Variants in WWC2 observed in about 807,000 individuals in gnomAD.
The protein encoded by WWC2 is protein WWC2.
A neutral mutation model predicts 138.5 loss-of-function variants in WWC2; 101 were observed. The ratio of observed to expected loss-of-function variants is 0.73; its 90% CI spans 0.62 to 0.86. The LOEUF (loss-of-function observed/expected upper bound fraction) is 0.86. Ranked by LOEUF, WWC2 falls within the 40% of genes least tolerant of loss-of-function variation. The pLI is 0.00. For missense variants in WWC2, 1,420 were observed against 1,419.4 expected (o/e 1.00, Z -0.01); for synonymous variants, 558 against 538.4 (o/e 1.04, Z -0.50).
chr4:183,167,136 C>T (rs1409580173), intron 1 of WWC2, among the ~76,000 whole-genome samples: 6 of 152,162 alleles, frequency 3.9e-5, no homozygotes, highest in South Asian at 2.1e-4. Context: ...CATATGGCCA[C>T]GGAGTGTGGT....
chr4:183,132,931 T>G (rs554460910), intron 1 of WWC2, among the ~76,000 whole-genome samples: 62 of 149,002 alleles, frequency 4.2e-4, no homozygotes, highest in African/African-American at 1.4e-3. Context: ...GACTTATCAA[T>G]ACTTTATTAT....
intron 1 of WWC2, among the ~76,000 whole-genome samples, chr4:183,185,728 A>G (rs969890457): frequency 6.6e-6 from 1 of 151,936 alleles, no homozygotes; most frequent in African/African-American, 2.4e-5. Flanking sequence ...GACTGGAGAG[A>G]TGTGTGTGTG....
intron 9 of WWC2, among the ~76,000 whole-genome samples, chr4:183,259,225 G>C (rs951919083): frequency 5.9e-5 from 9 of 152,122 alleles, no homozygotes; most frequent in African/African-American, 2.2e-4. Flanking sequence ...TCGGTATTTA[G>C]GGTGACCTTT....
chr4:183,286,114 CT>C, intron 20 of WWC2, 55 bp downstream of exon 20: 3 of 1,476,954 alleles, frequency 2.0e-6, no homozygotes, highest in Non-Finnish European at 2.8e-6. Flanking sequence ...AGAATTGTCA[CT>C]TGTGCAGCAC....
chr4:183,248,088 C>T (rs186449377), intron 6 of WWC2, among the ~76,000 whole-genome samples: 41 of 152,174 alleles, frequency 2.7e-4, no homozygotes, highest in Admixed American at 2.0e-3. Flanking sequence ...CCACAGCAGG[C>T]ACATTTGCTT....
intron 13 of WWC2, 32 bp from the exon 14 acceptor site, chr4:183,265,833 T>C (rs1185183997): frequency 6.2e-7 from 1 of 1,610,230 alleles, no homozygotes; most frequent in Non-Finnish European, 8.5e-7. Flanking sequence ...CCTGTGGTGA[T>C]TCCTGACTTC....
chr4:183,282,964 G>A, intron 18 of WWC2, 58 bp downstream of exon 18: 1 of 1,450,234 alleles, frequency 6.9e-7, no homozygotes. Context: ...ATGTGGACTA[G>A]GGAGATGCTT....
intron 1 of WWC2, among the ~76,000 whole-genome samples, chr4:183,145,171 C>G (rs1173891630): frequency 1.3e-5 from 2 of 152,130 alleles, no homozygotes; most frequent in African/African-American, 2.4e-5. Flanking sequence ...AGCCCTGTGG[C>G]AAGTTTCTTT....
At chr4:183,302,936 C>T (rs778366062) in intron 21 of WWC2, among the ~76,000 whole-genome samples, 11 of 151,866 alleles carry the variant, frequency 7.2e-5, no homozygotes, top group African/African-American at 1.2e-4. Flanking sequence ...TGATGGCAAG[C>T]GCCTGTAATC....
intron 1 of WWC2, among the ~76,000 whole-genome samples, chr4:183,124,829 T>G (rs576053727): frequency 6.6e-6 from 1 of 152,322 alleles, no homozygotes; most frequent in South Asian, 2.1e-4. Flanking sequence ...GACCTTGTGA[T>G]CTGCCTGCTA....
At chr4:183,259,979 G>A (rs1224450135) in intron 10 of WWC2, among the ~76,000 whole-genome samples, 1 of 152,122 alleles carries the variant, frequency 6.6e-6, no homozygotes, top group Non-Finnish European at 1.5e-5. Flanking sequence ...GGATAATAAC[G>A]CATTTTTCCC....
intron 2 of WWC2, among the ~76,000 whole-genome samples, chr4:183,199,187 G>A (rs997531224): frequency 6.6e-6 from 1 of 152,192 alleles, no homozygotes; most frequent in African/African-American, 2.4e-5. Context: ...CAGGACTTGA[G>A]GAAAGACATG....
intron 16 of WWC2, among the ~76,000 whole-genome samples, chr4:183,272,617 C>T (rs1737726776): frequency 6.6e-6 from 1 of 152,056 alleles, no homozygotes; most frequent in South Asian, 2.1e-4. Context: ...ACCTCTTTCC[C>T]CAAGGCAACC....
intron 7 of WWC2, among the ~76,000 whole-genome samples, chr4:183,249,606 G>A (rs528938458): frequency 6.6e-6 from 1 of 152,248 alleles, no homozygotes; most frequent in African/African-American, 2.4e-5. Context: ...TTATTGACCT[G>A]TACACCCTTC....
rs140820508 is a variant in WWC2 at position 183,114,442 on chromosome 4, A to G, written c.131+14820A>G. Among the ~76,000 whole-genome samples, 937 of 152,292 alleles carry G rather than the reference A, an allele frequency of 6.2e-3. 6 individuals are homozygous for G. Among genetic ancestry groups the G allele is most frequent in the Non-Finnish European group, 1.0e-2 (679 of 68,014 alleles). On this transcript the variant is annotated intron_variant, in intron 1 of 22. Transcript: ENST00000403733. ...CCTATGAAGACATACAAATAGAGAA[A>G]TCTAGTAGACACCCAGATATAGAAT...
At chr4:183,264,193 C>A (rs1400049428) in intron 11 of WWC2, among the ~76,000 whole-genome samples, 2 of 152,210 alleles carry the variant, frequency 1.3e-5, no homozygotes, top group African/African-American at 4.8e-5. Flanking sequence ...AGCCTTAAAA[C>A]TTAAACATCT....
intron 1 of WWC2, among the ~76,000 whole-genome samples, chr4:183,104,945 C>T (rs886160560): frequency 2.6e-5 from 4 of 152,134 alleles, no homozygotes; most frequent in Non-Finnish European, 4.4e-5. Flanking sequence ...TTGGCTCTGT[C>T]GCCCAGGCGG....
At chr4:183,176,797 G>A (rs1734481908) in intron 1 of WWC2, among the ~76,000 whole-genome samples, 1 of 152,002 alleles carries the variant, frequency 6.6e-6, no homozygotes, top group Admixed American at 6.6e-5. Context: ...TCTCACAGGG[G>A]AAGAGAAGAA....
chr4:183,208,352 G>C (rs774009215), intron 3 of WWC2, among the ~76,000 whole-genome samples, 196 bp downstream of exon 3: 1 of 152,186 alleles, frequency 6.6e-6, no homozygotes, highest in South Asian at 2.1e-4. Flanking sequence ...ATCCCTGTTT[G>C]GGGGTTATGC....
Sources: allele counts gnomAD v4.1 joint callset (sites outside exome capture counted in the v4.1 genomes callset), GRCh38; gene constraint gnomAD v4.1.1; transcripts MANE v1.5; gene names NCBI Gene and HGNC (gene_info 2026-07-23, HGNC 2026-07-21).